Variants in HPCAL1 observed in about 807,000 individuals in gnomAD.
The protein encoded by HPCAL1 is hippocalcin-like protein 1.
In HPCAL1, 8 loss-of-function variants were observed where a neutral mutation model predicts 17.1. The ratio of observed to expected loss-of-function variants is 0.47; its 90% CI spans 0.27 to 0.84. The LOEUF is 0.84. HPCAL1 is among the 40% of genes least tolerant of loss of function. The probability of loss-of-function intolerance (pLI) is 0.13; values close to 1 mark genes in which losing one functional copy is unlikely to be tolerated. For missense variants in HPCAL1, 165 were observed against 271.1 expected (o/e 0.61, Z 2.75); for synonymous variants, 112 against 111.4 (o/e 1.01, Z -0.03).
intron 2 of HPCAL1, among the ~76,000 whole-genome samples, chr2:10,399,208 G>GCACCACCACCACCAC (rs113515977): frequency 2.0e-4 from 1 of 5,108 alleles, no homozygotes; most frequent in Non-Finnish European, 4.9e-4. Context: ...TAATATCACT[G>GCACCACCACCACCAC]CACCACCACC....
rs1248700693 is a variant in HPCAL1, at chr2:10,331,521, G to A, written c.-111+28344G>A. 6.6e-6 allele frequency among the ~76,000 whole-genome samples: 1 copy of A among 152,192 alleles called. No individual in the cohort carries two copies. Among genetic ancestry groups the A allele is most frequent in the Non-Finnish European group, 1.5e-5 (1 of 68,028 alleles). On this transcript the variant is annotated intron_variant, in intron 1 of 4. Coordinates refer to ENST00000307845, the MANE Select transcript of HPCAL1 (RefSeq NM_002149.4). This position sits in a 1 kb window ranked among gnomAD's most constrained non-coding sequence, Gnocchi z 5.0. Reference sequence around the variant, plus strand: ...GGATGCAGCAGCGAGGTTTTCCGGGGCAGGAACACCCTCCCAGGAGCTTTT... The same window carrying A: ...GGATGCAGCAGCGAGGTTTTCCGGGACAGGAACACCCTCCCAGGAGCTTTT...
rs1052444042 is a variant in HPCAL1 at position 10,310,131 on chromosome 2, A to G, written c.-111+6954A>G. The stretch of plus-strand genomic sequence containing the variant: ...CTGAGCTCAGATATTGACAGGAACT[A>G]CAATTCAAACCCAGGTCTGCAGATG... On this transcript the variant is annotated intron_variant, in intron 1 of 4. Coordinates refer to ENST00000307845, the MANE Select transcript of HPCAL1 (RefSeq NM_002149.4). This position sits in a 1 kb window ranked among gnomAD's most constrained non-coding sequence, Gnocchi z 4.5. Among the ~76,000 whole-genome samples the G allele has an allele frequency of 6.6e-6, 1 of 152,104 alleles. No individual in the cohort carries two copies.
At chr2:10,420,173 C>A in intron 3 of HPCAL1, 38 bp downstream of exon 3, 1 of 1,544,106 alleles carries the variant, frequency 6.5e-7, no homozygotes, top group East Asian at 2.3e-5. Flanking sequence ...ACCGCGGGCC[C>A]AGGTCCCCTC....
rs1044763947 is a variant in HPCAL1, at chr2:10,384,426, G to A, written c.-110-12409G>A. Among the ~76,000 whole-genome samples the A allele has an allele frequency of 9.9e-5, 15 of 152,194 alleles. No homozygotes were observed. The highest frequency in any genetic ancestry group is 1.3e-4 in the Admixed American group (2 of 15,292). ...GAGGAGAGCCCAGGTTACCATCTGT[G>A]GTGTCCCCTCGCTCACACTCACTAC... On this transcript the variant is annotated intron_variant, in intron 1 of 4. Transcript: ENST00000307845. The surrounding 1 kb of genome is among the most constrained non-coding windows in gnomAD (Gnocchi z 4.4).
In HPCAL1 at chr2:10,369,540, G is replaced by A. The variant is rs114638706; in HGVS notation, c.-110-27295G>A. Reference sequence around the variant, plus strand: ...GCTTCCTGGCTGCCTCATAGCTCAGGCCCGTTTGACAGCATTTGTGAGCAC... The same window carrying A: ...GCTTCCTGGCTGCCTCATAGCTCAGACCCGTTTGACAGCATTTGTGAGCAC... On this transcript the variant is annotated intron_variant, in intron 1 of 4. Transcript: ENST00000307845. Among the ~76,000 whole-genome samples the A allele has an allele frequency of 4.8e-3, 727 of 152,352 alleles. 11 individuals are homozygous for A. Among genetic ancestry groups the A allele is most frequent in the African/African-American group, 0.017 (695 of 41,574 alleles).
chr2:10,405,589 C>T (rs945539873), intron 2 of HPCAL1, among the ~76,000 whole-genome samples: 1 of 152,246 alleles, frequency 6.6e-6, no homozygotes, highest in African/African-American at 2.4e-5. Flanking sequence ...AGACGGAATT[C>T]TGCCATCTGA....
At chr2:10,322,396 G>A (rs1368111209) in intron 1 of HPCAL1, among the ~76,000 whole-genome samples, 1 of 152,198 alleles carries the variant, frequency 6.6e-6, no homozygotes, top group Non-Finnish European at 1.5e-5. Context: ...AAGAAAATAA[G>A]GGCAGAAGCC....
rs2125447204 is a variant in HPCAL1 at position 10,343,479 on chromosome 2, C to G, written c.-111+40302C>G. Among the ~76,000 whole-genome samples, 1 of 152,354 alleles carries G rather than the reference C, an allele frequency of 6.6e-6. No individual in the cohort carries two copies. The highest frequency in any genetic ancestry group is 3.4e-3 in the Middle Eastern group (1 of 294). On this transcript the variant is annotated intron_variant, in intron 1 of 4. Coordinates refer to ENST00000307845, the MANE Select transcript of HPCAL1 (RefSeq NM_002149.4). The surrounding 1 kb of genome is among the most constrained non-coding windows in gnomAD (Gnocchi z 4.8). The stretch of plus-strand genomic sequence containing the variant: ...TGAGCCAGCCTAGTTTGTCCACAGA[C>G]TTCCATGCAAGTGATTCCTGCTGTT...
At chr2:10,385,268 G>A (rs1286866448) in intron 1 of HPCAL1, among the ~76,000 whole-genome samples, 5 of 152,182 alleles carry the variant, frequency 3.3e-5, no homozygotes, top group Admixed American at 2.0e-4. Flanking sequence ...GCCCAGTGGC[G>A]TGAGGCTGGC....
At position 10,420,003 on chromosome 2, in the gene HPCAL1, C is replaced by T. The variant is rs1369516480; in HGVS notation, c.246C>T (p.Phe82=). 1.2e-6 allele frequency: 2 copies of T among 1,614,026 alleles called. No homozygotes were observed. The highest frequency in any genetic ancestry group is 1.7e-6 in the Non-Finnish European group (2 of 1,180,036). ...FDTNGDGTID[F]REFIIALSVT... is the part of the protein sequence containing the mutation. The stretch of plus-strand genomic sequence containing the variant: ...CCAACGGCGACGGCACCATCGACTT[C>T]CGGGAGTTCATCATTGCGCTGAGCG... The change falls in exon 3 of 5, where the codon TTC becomes TTT. Residue 82 remains phenylalanine, a synonymous_variant. Coordinates refer to ENST00000307845, the MANE Select transcript of HPCAL1 (RefSeq NM_002149.4).
intron 1 of HPCAL1, among the ~76,000 whole-genome samples, chr2:10,386,953 C>T (rs967677788): frequency 1.3e-5 from 2 of 152,228 alleles, no homozygotes; most frequent in Admixed American, 1.3e-4. Flanking sequence ...GAGGCAGGGA[C>T]AGTGCCCAGG....
chr2:10,333,254 G>A (rs142930116), intron 1 of HPCAL1, among the ~76,000 whole-genome samples: 27 of 152,342 alleles, frequency 1.8e-4, no homozygotes, highest in Middle Eastern at 6.8e-3. Context: ...ACCAAGGAGC[G>A]TGAATCAGGT....
chr2:10,317,754 C>T (rs548206063), intron 1 of HPCAL1, among the ~76,000 whole-genome samples: 1 of 152,332 alleles, frequency 6.6e-6, no homozygotes, highest in Admixed American at 6.5e-5. Flanking sequence ...AGATCCTGGC[C>T]TGGGCACTGG....
intron 2 of HPCAL1, among the ~76,000 whole-genome samples, chr2:10,416,224 G>A (rs983756829): frequency 6.6e-6 from 1 of 152,214 alleles, no homozygotes; most frequent in Admixed American, 6.5e-5. Context: ...GATACTGGGA[G>A]TTAGGACTTC....
rs1341772276 is a variant in HPCAL1, at chr2:10,310,192, T to C, written c.-111+7015T>C. On this transcript the variant is annotated intron_variant, in intron 1 of 4. Coordinates refer to ENST00000307845, the MANE Select transcript of HPCAL1 (RefSeq NM_002149.4). The surrounding 1 kb of genome is among the most constrained non-coding windows in gnomAD (Gnocchi z 4.5). ...GGTTTGAACTGTAGTCTTTGCTCTG[T>C]TTACTGGCTGGTGATGTTCTCTGAG... is the stretch of plus-strand genomic sequence containing the variant. 6.6e-6 allele frequency among the ~76,000 whole-genome samples: 1 copy of C among 152,104 alleles called. No homozygotes were observed.
At position 10,330,954 on chromosome 2, in the gene HPCAL1, G is replaced by A. The variant is rs1664330810; in HGVS notation, c.-111+27777G>A. Among the ~76,000 whole-genome samples, 1 of 152,168 alleles carries A rather than the reference G, an allele frequency of 6.6e-6. No individual in the cohort carries two copies. ...CAGCAAGCCCACCCCTGCATTCGGA[G>A]AGCCTTAGCGGGAAGCCTGTTGCTT... is the stretch of plus-strand genomic sequence containing the variant. On this transcript the variant is annotated intron_variant, in intron 1 of 4. Coordinates refer to ENST00000307845, the MANE Select transcript of HPCAL1 (RefSeq NM_002149.4). The surrounding 1 kb of genome is among the most constrained non-coding windows in gnomAD (Gnocchi z 4.2).
rs1344094368 is a variant in HPCAL1 at position 10,304,070 on chromosome 2, C to G, written c.-111+893C>G. ...CCTCTCCCTGGCCCTAACTTAACCG[C>G]GAAGCACTGAGATTCGAGAAAGTTT... On this transcript the variant is annotated intron_variant, in intron 1 of 4. Coordinates refer to ENST00000307845, the MANE Select transcript of HPCAL1 (RefSeq NM_002149.4). This position sits in a 1 kb window ranked among gnomAD's most constrained non-coding sequence, Gnocchi z 4.1. 6.6e-6 allele frequency: 1 copy of G among 152,178 alleles called. No homozygotes were observed. Among genetic ancestry groups the G allele is most frequent in the Admixed American group, 6.5e-5 (1 of 15,284 alleles). The allele number at this position is 152,178 out of a possible 1,614,324, so 9.4% of individuals were successfully genotyped here. A position where few individuals can be genotyped will look rare whatever the true frequency, so the allele number is the denominator to read the frequency against.
chr2:10,334,607 T>C (rs1403173639), intron 1 of HPCAL1, among the ~76,000 whole-genome samples: 1 of 152,220 alleles, frequency 6.6e-6, no homozygotes, highest in African/African-American at 2.4e-5. Context: ...GTCAACAATT[T>C]TTAAGCTGTA....
rs928170060 is a variant in HPCAL1 at position 10,394,564 on chromosome 2, A to G, written c.-110-2271A>G. On this transcript the variant is annotated intron_variant, in intron 1 of 4. Transcript: ENST00000307845. The surrounding 1 kb of genome is among the most constrained non-coding windows in gnomAD (Gnocchi z 5.0). ...TGTGATGCTGTAATGGTGGGTGCGC[A>G]TCGGTACACGTTTGTCAAAGCCCAC... is the stretch of plus-strand genomic sequence containing the variant. 7.2e-5 allele frequency among the ~76,000 whole-genome samples: 11 copies of G among 152,184 alleles called. No individual in the cohort carries two copies. Among genetic ancestry groups the G allele is most frequent in the African/African-American group, 2.7e-4 (11 of 41,442 alleles).
Sources: gnomAD v4.1 joint callset for allele counts (sites outside exome capture counted in the v4.1 genomes callset) on GRCh38, gnomAD v4.1.1 for gene constraint, Gnocchi (gnomAD v3.1) non-coding constraint, MANE v1.5 for transcripts, NCBI Gene and HGNC (gene_info 2026-07-23, HGNC 2026-07-21) for gene names.